MKNK1: variants seen among roughly 807,000 people sequenced by gnomAD.
The protein encoded by MKNK1 is MAP kinase-interacting serine/threonine-protein kinase 1.
MKNK1 carries 30 observed loss-of-function variants against 49.3 expected under a neutral mutation model. The observed-to-expected ratio is 0.61, with a 90% confidence interval of 0.46 to 0.83. MKNK1 has a LOEUF of 0.83. Ranked by LOEUF, MKNK1 falls within the 40% of genes least tolerant of loss-of-function variation. MKNK1 has a pLI of 0.00. For missense variants in MKNK1, 423 were observed against 524.7 expected (o/e 0.81, Z 1.89); for synonymous variants, 176 against 201.7 (o/e 0.87, Z 1.08).
intron 10 of MKNK1, 48 bp from the exon 11 acceptor site, chr1:46,561,690 G>A: frequency 6.3e-7 from 1 of 1,590,994 alleles, no homozygotes; most frequent in Non-Finnish European, 8.6e-7. Flanking sequence ...GGGATGGGCA[G>A]GATGTGCCTG....
At chr1:46,561,738 T>C in intron 10 of MKNK1, 96 bp from the exon 11 acceptor site, 1 of 1,400,402 alleles carries the variant, frequency 7.1e-7, no homozygotes, top group Non-Finnish European at 9.8e-7. Flanking sequence ...TGATCTCAGC[T>C]GTAGCTGCAG....
At chr1:46,569,899 G>T (rs1214398241) in intron 7 of MKNK1, 1 of 152,240 alleles carries the variant, frequency 6.6e-6, no homozygotes, top group Non-Finnish European at 1.5e-5. Context: ...CTTAGCCTAA[G>T]AACTCAGAGA....
At chr1:46,581,338 C>T (rs200384550) in intron 3 of MKNK1, among the ~76,000 whole-genome samples, 5 of 151,886 alleles carry the variant, frequency 3.3e-5, no homozygotes, top group South Asian at 2.1e-4. Flanking sequence ...TGGGAAACCC[C>T]GTCTCTACTA....
At chr1:46,571,474 T>C (rs553516096) in intron 7 of MKNK1, 4 of 379,010 alleles carry the variant, frequency 1.1e-5, no homozygotes, top group East Asian at 9.1e-5. Flanking sequence ...CCCAGGGAGG[T>C]TGGGGCTGCA....
chr1:46,576,776 G>T, intron 4 of MKNK1, 122 bp from the exon 5 acceptor site: 1 of 845,436 alleles, frequency 1.2e-6, no homozygotes, highest in Non-Finnish European at 2.0e-6. Flanking sequence ...GCAGAAGTCT[G>T]GCCTAGGCCT....
rs183190014 is a variant in MKNK1 at position 46,594,828 on chromosome 1, T to C, written c.-170-548A>G. ...TGGGCAACATGGTGAAACCCATCCC[T>C]ACAAAAATACTAAAATTAGCCAGGC... On this transcript the variant is annotated intron_variant, in intron 1 of 12. Coordinates refer to ENST00000371945, the MANE Select transcript of MKNK1 (RefSeq NM_001135553.4). The C allele has an allele frequency of 1.4e-3, 582 of 409,564 alleles. 8 individuals are homozygous for C. Among genetic ancestry groups the C allele is most frequent in the Admixed American group, 0.014 (513 of 36,994 alleles). The allele number at this position is 409,564 out of a possible 1,614,324, so 25.4% of individuals were successfully genotyped here.
At chr1:46,572,259 G>C (rs956174924) in intron 6 of MKNK1, 92 bp from the exon 7 acceptor site, 3 of 1,073,914 alleles carry the variant, frequency 2.8e-6, no homozygotes, top group African/African-American at 1.6e-5. Context: ...TGTTACCCAG[G>C]CTGGAGAGTA....
intron 2 of MKNK1, among the ~76,000 whole-genome samples, chr1:46,587,837 C>T (rs1472133295): frequency 1.3e-5 from 2 of 151,978 alleles, no homozygotes; most frequent in African/African-American, 4.8e-5. Context: ...ACAAAAAATA[C>T]CCAATGATAT....
chr1:46,595,987 A>G (rs992772654), intron 1 of MKNK1, among the ~76,000 whole-genome samples: 2 of 152,178 alleles, frequency 1.3e-5, no homozygotes, highest in African/African-American at 4.8e-5. Context: ...AGCTCACGTG[A>G]TTTGCCTGTC....
chr1:46,587,821 A>C (rs948984851), intron 2 of MKNK1, among the ~76,000 whole-genome samples: 1 of 152,214 alleles, frequency 6.6e-6, no homozygotes, highest in African/African-American at 2.4e-5. Flanking sequence ...CCGTCTCAAA[A>C]AAAAAACAAA....
intron 9 of MKNK1, among the ~76,000 whole-genome samples, chr1:46,564,463 ATTGTTTT>A (rs1668655884): frequency 2.5e-5 from 1 of 40,220 alleles, no homozygotes; most frequent in Non-Finnish European, 4.2e-5. Context: ...TGTTTTTTTT[ATTGTTTT>A]TTTTTTTTTT....
intron 3 of MKNK1, among the ~76,000 whole-genome samples, chr1:46,581,356 A>G (rs1671703644): frequency 6.6e-6 from 1 of 151,996 alleles, no homozygotes; most frequent in African/African-American, 2.4e-5. Context: ...CTAAAAATAC[A>G]AAAATTAGCT....
At chr1:46,580,374 C>A in intron 4 of MKNK1, 156 bp downstream of exon 4, 1 of 617,082 alleles carries the variant, frequency 1.6e-6, no homozygotes, top group Non-Finnish European at 2.9e-6. Context: ...AAGTAACTTG[C>A]CCGAGGTACA....
At position 46,564,044 on chromosome 1, in the gene MKNK1, C is replaced by CAAAAAAAAAAAAAAAAA. The variant is rs1217205121; in HGVS notation, c.609+980_609+996dup. Reference sequence around the variant, plus strand: ...TGGGCAACAGAGCAAGACTCTGTCTCAAAAAAAAAAAAAAAAAAAAAGGGT... The same window carrying CAAAAAAAAAAAAAAAAA: ...TGGGCAACAGAGCAAGACTCTGTCTCAAAAAAAAAAAAAAAAAAAAAAAAAAAAAAAAAAAAAAGGGT... On this transcript the variant is annotated intron_variant, in intron 9 of 12. Coordinates refer to ENST00000371945, the MANE Select transcript of MKNK1 (RefSeq NM_001135553.4). 1.5e-4 allele frequency among the ~76,000 whole-genome samples: 6 copies of CAAAAAAAAAAAAAAAAA among 39,084 alleles called. 1 individual carries two copies. In the East Asian group the frequency reaches 2.8e-3, roughly 18 times the overall value. 25.6% of individuals were successfully genotyped at this position (39,084 alleles called of 152,430 possible). A position where few individuals can be genotyped will look rare whatever the true frequency, so the allele number is the denominator to read the frequency against.
At chr1:46,561,151 A>G (rs1667889751) in intron 11 of MKNK1, among the ~76,000 whole-genome samples, 1 of 152,198 alleles carries the variant, frequency 6.6e-6, no homozygotes, top group Admixed American at 6.5e-5. Context: ...TCCTCAGCTA[A>G]TGATGCTTCT....
chr1:46,587,477 T>C (rs532443688), intron 2 of MKNK1, among the ~76,000 whole-genome samples: 3 of 152,236 alleles, frequency 2.0e-5, no homozygotes, highest in South Asian at 2.1e-4. Flanking sequence ...ATCTATCAAA[T>C]AGGTTTAAAA....
chr1:46,572,209 C>G (rs766556192), intron 6 of MKNK1, 42 bp from the exon 7 acceptor site: 4 of 1,548,298 alleles, frequency 2.6e-6, no homozygotes, highest in Non-Finnish European at 2.7e-6. Flanking sequence ...TTTTTGGGCT[C>G]TAGTAAGTAT....
intron 7 of MKNK1, among the ~76,000 whole-genome samples, chr1:46,570,806 C>A (rs1312273806): frequency 6.6e-6 from 1 of 152,232 alleles, no homozygotes; most frequent in Non-Finnish European, 1.5e-5. Context: ...AGAACTATGA[C>A]ATACCAGGAA....
chr1:46,563,106 T>C (rs952392411), intron 9 of MKNK1: 12 of 414,952 alleles, frequency 2.9e-5, no homozygotes, highest in African/African-American at 1.9e-4. Context: ...CAAAGACCCT[T>C]GGCCAAGAAG....
Sources: gnomAD v4.1 joint callset for allele counts (sites outside exome capture counted in the v4.1 genomes callset) on GRCh38, gnomAD v4.1.1 for gene constraint, MANE v1.5 for transcripts, NCBI Gene and HGNC (gene_info 2026-07-23, HGNC 2026-07-21) for gene names.